The following ZBBX variants were observed in gnomAD, a reference collection of about 807,000 sequenced individuals.
ZBBX encodes zinc finger B-box domain-containing protein 1.
In ZBBX, 101 loss-of-function variants were observed where a neutral mutation model predicts 108.5. The ratio of observed to expected loss-of-function variants is 0.93; its 90% CI spans 0.79 to 1.10. ZBBX has a LOEUF of 1.10. Among genes scored for constraint, ZBBX ranks in the 50% least tolerant of loss-of-function variants. ZBBX has a pLI of 0.00. For missense variants in ZBBX, 1,009 were observed against 941.4 expected (o/e 1.07, Z -0.94); for synonymous variants, 356 against 323.4 (o/e 1.10, Z -1.08).
chr3:167,192,738 C>A, the ZBBX span, among the ~76,000 whole-genome samples: 4 of 152,102 alleles, frequency 2.6e-5, no homozygotes, highest in Non-Finnish European at 5.9e-5. Context: ...TCTGCCTGAT[C>A]TTTTCTGCTG....
At chr3:167,198,969 A>G in the ZBBX span, among the ~76,000 whole-genome samples, 23 of 152,346 alleles carry the variant, frequency 1.5e-4, no homozygotes, top group South Asian at 4.1e-4. Flanking sequence ...AGTTTTAAAA[A>G]TGTACATTTA....
chr3:167,225,992 G>C, the ZBBX span, among the ~76,000 whole-genome samples: 2 of 150,912 alleles, frequency 1.3e-5, no homozygotes, highest in Non-Finnish European at 3.0e-5. Flanking sequence ...TAGCTTGTCA[G>C]AGTACAGGCT....
chr3:167,272,021 T>A (rs1015410404), intron 20 of ZBBX, among the ~76,000 whole-genome samples: 1 of 152,120 alleles, frequency 6.6e-6, no homozygotes, highest in East Asian at 1.9e-4. Context: ...AATGGGAATA[T>A]CATACACCTT....
intron 20 of ZBBX, among the ~76,000 whole-genome samples, chr3:167,266,536 T>A (rs1432145531): frequency 2.6e-5 from 4 of 151,932 alleles, no homozygotes; most frequent in Admixed American, 6.6e-5. Context: ...GTACCTCACA[T>A]CCCCCTCCCT....
the ZBBX span, among the ~76,000 whole-genome samples, chr3:167,195,844 G>A: frequency 5.9e-5 from 9 of 152,208 alleles, 1 homozygote; most frequent in South Asian, 1.2e-3. Context: ...AGTTTACACC[G>A]TCTGGCATCA....
chr3:167,274,560 G>T (rs183738340), intron 20 of ZBBX, among the ~76,000 whole-genome samples: 1 of 152,154 alleles, frequency 6.6e-6, no homozygotes, highest in Non-Finnish European at 1.5e-5. Flanking sequence ...AAAAGGTTTA[G>T]CCTGTTAACT....
intron 9 of ZBBX, among the ~76,000 whole-genome samples, chr3:167,340,858 A>G (rs1272192440): frequency 4.6e-5 from 7 of 151,946 alleles, no homozygotes; most frequent in Non-Finnish European, 1.0e-4. Context: ...AGGAAAATAA[A>G]TATTTATTAG....
chr3:167,271,359 C>A (rs1478673559), intron 20 of ZBBX, among the ~76,000 whole-genome samples: 3 of 152,192 alleles, frequency 2.0e-5, no homozygotes, highest in Non-Finnish European at 2.9e-5. Context: ...AACAACTTAG[C>A]AGATCAGATA....
At chr3:167,231,221 T>C in the ZBBX span, among the ~76,000 whole-genome samples, 4 of 151,788 alleles carry the variant, frequency 2.6e-5, no homozygotes, top group African/African-American at 9.7e-5. Context: ...TTTGACAGAA[T>C]CAGCTAGAGA....
intron 9 of ZBBX, among the ~76,000 whole-genome samples, chr3:167,340,845 A>T (rs1740417374): frequency 6.6e-6 from 1 of 151,978 alleles, no homozygotes; most frequent in Non-Finnish European, 1.5e-5. Context: ...ATAGAGAAAC[A>T]GGAGGAAAAT....
the ZBBX span, among the ~76,000 whole-genome samples, chr3:167,188,140 T>C: frequency 1.9e-4 from 29 of 152,238 alleles, no homozygotes; most frequent in African/African-American, 6.7e-4. Flanking sequence ...ATAAAAACAA[T>C]TATTTGGAAG....
intron 2 of ZBBX, among the ~76,000 whole-genome samples, chr3:167,374,926 AG>A (rs1210330680): frequency 6.6e-6 from 1 of 152,224 alleles, no homozygotes; most frequent in South Asian, 2.1e-4. Flanking sequence ...ACTAATGAAT[AG>A]TTACACTTGC....
intron 2 of ZBBX, among the ~76,000 whole-genome samples, chr3:167,378,560 CAAAA>C (rs1355468404): frequency 6.6e-6 from 1 of 152,066 alleles, no homozygotes; most frequent in East Asian, 1.9e-4. Flanking sequence ...GGATATTAAA[CAAAA>C]GGTGTCTGAT....
rs2108527319 is a variant in ZBBX, at chr3:167,282,378, G to A, written c.2114C>T (p.Ser705Leu). The stretch of plus-strand genomic sequence containing the variant: ...TGAAATTTCAGAAGCAGCTCTAGAT[G>A]ATGATTGAGCAGCTGCACTTCTTGA... ...PRSRSAAAQSSSRAASEISEI... is the reference protein window; with the variant it reads ...PRSRSAAAQSLSRAASEISEI... Residue 705 changes from serine (S) to leucine (L), a missense_variant, in exon 20 of 22, where the codon TCA becomes TTA. Transcript: ENST00000675490. 6.2e-7 allele frequency: 1 copy of A among 1,614,104 alleles called. No individual in the cohort carries two copies. The highest frequency in any genetic ancestry group is 8.5e-7 in the Non-Finnish European group (1 of 1,179,990).
At chr3:167,277,395 T>C (rs1331851161) in intron 20 of ZBBX, among the ~76,000 whole-genome samples, 1 of 151,684 alleles carries the variant, frequency 6.6e-6, no homozygotes, top group African/African-American at 2.4e-5. Flanking sequence ...AATAAAAGGA[T>C]AGAGGAAGAT....
intron 1 of ZBBX, among the ~76,000 whole-genome samples, chr3:167,391,030 T>C (rs1270520220): frequency 6.6e-6 from 1 of 151,990 alleles, no homozygotes; most frequent in Non-Finnish European, 1.5e-5. Context: ...TGTTGAATAC[T>C]AGTGGTGAGA....
intron 1 of ZBBX, among the ~76,000 whole-genome samples, chr3:167,404,760 TG>T (rs1748530897): frequency 1.3e-5 from 2 of 152,188 alleles, no homozygotes; most frequent in Non-Finnish European, 2.9e-5. Flanking sequence ...TCATTTAACA[TG>T]GAAATAATAT....
Position 167,402,965 on chromosome 3 carries a change from A to G in ZBBX, c.-446+4761T>C, listed in dbSNP as rs1300712520. ...ACAAACTGTTAAATCAAGCAGTCAAATATACCTGTAATTGGAAGAACAGAA... is the reference window on the plus strand; with the variant it reads ...ACAAACTGTTAAATCAAGCAGTCAAGTATACCTGTAATTGGAAGAACAGAA... On this transcript the variant is annotated intron_variant, in intron 1 of 21. Coordinates refer to the ZBBX transcript ENST00000455345. Among the ~76,000 whole-genome samples the G allele has an allele frequency of 2.0e-5, 3 of 152,170 alleles. No individual in the cohort carries two copies. The East Asian group carries it at 5.8e-4, about 29-fold the overall frequency.
rs113355853 is a variant in ZBBX at position 167,310,345 on chromosome 3, G to C, written c.1417+3629C>G. 4.9e-3 allele frequency among the ~76,000 whole-genome samples: 748 copies of C among 152,176 alleles called. 4 individuals carry two copies. The highest frequency in any genetic ancestry group is 0.016 in the African/African-American group (659 of 41,524). On this transcript the variant is annotated intron_variant, in intron 16 of 21. Transcript: ENST00000675490. The stretch of plus-strand genomic sequence containing the variant: ...CTCCAAACTGTTCTAACCTCTGCCT[G>C]TTACCGAGTTCTAAAGTCACTTCCA...
Sources: gnomAD v4.1 joint callset for allele counts (sites outside exome capture counted in the v4.1 genomes callset) on GRCh38, gnomAD v4.1.1 for gene constraint, MANE v1.5 for transcripts, NCBI Gene and HGNC (gene_info 2026-07-23, HGNC 2026-07-21) for gene names.